The following DOCK11 variants were observed in gnomAD, a reference collection of about 807,000 sequenced individuals.
DOCK11 encodes dedicator of cytokinesis 11, also known as dedicator of cytokinesis protein 11.
In DOCK11, 70 loss-of-function variants were observed where a neutral mutation model predicts 169.1. The ratio of observed to expected loss-of-function variants is 0.41; its 90% CI spans 0.34 to 0.51. The LOEUF (loss-of-function observed/expected upper bound fraction) is 0.51. Among genes scored for constraint, DOCK11 ranks in the 20% least tolerant of loss-of-function variants. DOCK11 has a pLI of 0.10. For missense variants in DOCK11, 1,166 were observed against 1,538.8 expected (o/e 0.76, Z 4.05); for synonymous variants, 529 against 541.3 (o/e 0.98, Z 0.32).
intron 1 of DOCK11, among the ~76,000 whole-genome samples, chrX:118,534,969 A>G (rs947117683): frequency 1.8e-5 from 2 of 111,886 alleles, no homozygotes; most frequent in Non-Finnish European, 3.8e-5. Context: ...CACTGATGAC[A>G]AATGCTAAAT....
At chrX:118,531,394 T>C (rs1378402590) in intron 1 of DOCK11, among the ~76,000 whole-genome samples, 1 of 70,325 alleles carries the variant, frequency 1.4e-5, no homozygotes, top group African/African-American at 5.9e-5. Flanking sequence ...GGTTCGGGGC[T>C]GCAGTGAGCC....
At chrX:118,679,500 G>A (rs1270907071) in intron 48 of DOCK11, among the ~76,000 whole-genome samples, 1 of 111,437 alleles carries the variant, frequency 9.0e-6, no homozygotes, top group Non-Finnish European at 1.9e-5. Flanking sequence ...AACACTAGGG[G>A]GCTGAGGCAG....
At chrX:118,645,201 A>T (rs1479012053) in intron 40 of DOCK11, among the ~76,000 whole-genome samples, 1 of 111,321 alleles carries the variant, frequency 9.0e-6, no homozygotes, top group Admixed American at 9.6e-5. Context: ...TTTGCTCTGG[A>T]GAGGGATCAG....
intron 45 of DOCK11, 130 bp from the exon 46 acceptor site, chrX:118,670,893 T>C (rs2016453724): frequency 2.1e-6 from 1 of 466,455 alleles, no homozygotes; most frequent in Non-Finnish European, 3.3e-6. Flanking sequence ...ACAAGTATGT[T>C]CCTTTTGTGC....
At chrX:118,594,729 C>T (rs2014106586) in intron 20 of DOCK11, among the ~76,000 whole-genome samples, 1 of 111,295 alleles carries the variant, frequency 9.0e-6, no homozygotes, top group Non-Finnish European at 1.9e-5. Flanking sequence ...AGTAGTGCTA[C>T]GTGAACTCAG....
intron 45 of DOCK11, among the ~76,000 whole-genome samples, chrX:118,666,935 C>A (rs951231852): frequency 3.6e-5 from 4 of 111,827 alleles, no homozygotes; most frequent in African/African-American, 1.3e-4. Context: ...GAATCAACAT[C>A]TCATTGTGGC....
intron 48 of DOCK11, among the ~76,000 whole-genome samples, chrX:118,677,916 G>A (rs1214123739): frequency 8.9e-6 from 1 of 111,847 alleles, no homozygotes; most frequent in East Asian, 2.8e-4. Context: ...CAGACTTTCT[G>A]TGCAACATGC....
At chrX:118,628,817 T>A (rs1281261221) in intron 34 of DOCK11, among the ~76,000 whole-genome samples, 1 of 112,731 alleles carries the variant, frequency 8.9e-6, no homozygotes, top group African/African-American at 3.2e-5. Flanking sequence ...ACGAGTAAAG[T>A]TTTGCCATGT....
chrX:118,540,296 C>G (rs1326034595), intron 1 of DOCK11, among the ~76,000 whole-genome samples: 2 of 110,502 alleles, frequency 1.8e-5, no homozygotes, highest in African/African-American at 6.6e-5. Context: ...AGCTTGCTTT[C>G]TTAGATAGGA....
chrX:118,645,320 A>G (rs1447628519), intron 40 of DOCK11, among the ~76,000 whole-genome samples: 1 of 111,978 alleles, frequency 8.9e-6, no homozygotes, highest in Non-Finnish European at 1.9e-5. Flanking sequence ...ATGGAGATAC[A>G]AAATAAATAT....
At chrX:118,533,103 C>T (rs1307641835) in intron 1 of DOCK11, among the ~76,000 whole-genome samples, 2 of 110,902 alleles carry the variant, frequency 1.8e-5, no homozygotes, top group Admixed American at 9.6e-5. Context: ...GCGATTCTCC[C>T]GCTTCAGCCT....
intron 7 of DOCK11, among the ~76,000 whole-genome samples, chrX:118,562,649 C>A (rs758959469): frequency 8.9e-6 from 1 of 111,926 alleles, no homozygotes; most frequent in East Asian, 2.8e-4. Context: ...TCACACCAGG[C>A]TAAGCATTCT....
intron 6 of DOCK11, among the ~76,000 whole-genome samples, chrX:118,560,355 T>C (rs1240459926): frequency 9.0e-6 from 1 of 111,593 alleles, no homozygotes; most frequent in Non-Finnish European, 1.9e-5. Context: ...TCAGGGATCA[T>C]ATTGGATAAT....
rs2014642949 is a variant in DOCK11 at position 118,610,108 on chromosome X, G to A, written c.2950-164G>A. 2.7e-5 allele frequency among the ~76,000 whole-genome samples: 3 copies of A among 112,168 alleles called. No individual in the cohort carries two copies. The South Asian group carries it at 1.1e-3, about 41-fold the overall frequency. Reference sequence around the variant, plus strand: ...TCCAGATAGTTCCTGTAATTATATAGAGTGAAGTACATCTTGAACTAGTGA... The same window carrying A: ...TCCAGATAGTTCCTGTAATTATATAAAGTGAAGTACATCTTGAACTAGTGA... On this transcript the variant is annotated intron_variant, in intron 27 of 52. Coordinates refer to ENST00000276202, the MANE Select transcript of DOCK11 (RefSeq NM_144658.4).
chrX:118,516,087 C>CTTTTTTT (rs1300617761), intron 1 of DOCK11, among the ~76,000 whole-genome samples: 10 of 63,730 alleles, frequency 1.6e-4, no homozygotes, highest in African/African-American at 6.4e-4. Flanking sequence ...CTTTTCTTTT[C>CTTTTTTT]TTTTTCTTTT....
chrX:118,522,994 G>C (rs2011296491), intron 1 of DOCK11, among the ~76,000 whole-genome samples: 1 of 112,385 alleles, frequency 8.9e-6, no homozygotes, highest in Admixed American at 9.4e-5. Context: ...TTTTCCCATT[G>C]ATAAAATGTG....
In DOCK11 at chrX:118,685,937, C is replaced by A; in HGVS notation, c.*130C>A. On this transcript the variant is annotated 3_prime_UTR_variant, in exon 53 of 53. Coordinates refer to ENST00000276202, the MANE Select transcript of DOCK11 (RefSeq NM_144658.4). Reference sequence around the variant, plus strand: ...TCGACACCAAAATTTTCATGTGTTCCAACAGGGTGCTTACATATTTGTAAA... The same window carrying A: ...TCGACACCAAAATTTTCATGTGTTCAAACAGGGTGCTTACATATTTGTAAA... The A allele has an allele frequency of 1.2e-6, 1 of 853,668 alleles. No individual in the cohort carries two copies. The highest frequency in any genetic ancestry group is 1.6e-6 in the Non-Finnish European group (1 of 629,051). The allele number at this position is 853,668 out of a possible 1,213,427, so 70.4% of individuals were successfully genotyped here. A position where few individuals can be genotyped will look rare whatever the true frequency, so the allele number is the denominator to read the frequency against.
In DOCK11 at chrX:118,630,499, C is replaced by A; in HGVS notation, c.3886+9C>A. 9.0e-7 allele frequency: 1 copy of A among 1,109,427 alleles called. No homozygotes were observed. The highest frequency in any genetic ancestry group is 1.2e-6 in the Non-Finnish European group (1 of 804,073). The allele number at this position is 1,109,427 out of a possible 1,213,427, so 91.4% of individuals were successfully genotyped here. On this transcript the variant is annotated intron_variant, in intron 35 of 52. Transcript: ENST00000276202. ...AAAAATGATTTCAGAAGGTGAGTTA[C>A]CATCATATTAAGCATGGACTGTACT...
chrX:118,501,587 A>G (rs766405551), intron 1 of DOCK11, among the ~76,000 whole-genome samples: 8 of 112,467 alleles, frequency 7.1e-5, no homozygotes, highest in Non-Finnish European at 1.3e-4. Flanking sequence ...GACTGCATAT[A>G]CTATATATGC....
Sources: gnomAD v4.1 joint callset for allele counts (sites outside exome capture counted in the v4.1 genomes callset) on GRCh38, gnomAD v4.1.1 for gene constraint, MANE v1.5 for transcripts, NCBI Gene and HGNC (gene_info 2026-07-23, HGNC 2026-07-21) for gene names.